The following TTC29 variants were observed in gnomAD, a reference collection of about 807,000 sequenced individuals.
The protein encoded by TTC29 is tetratricopeptide repeat domain 29.
In TTC29, 49 loss-of-function variants were observed where a neutral mutation model predicts 58.1. The observed-to-expected ratio is 0.84, with a 90% confidence interval of 0.67 to 1.07. The LOEUF (loss-of-function observed/expected upper bound fraction) is 1.07. Among genes scored for constraint, TTC29 ranks in the 50% least tolerant of loss-of-function variants. The pLI is 0.00. For synonymous variants in TTC29, 209 were observed against 196.8 expected (o/e 1.06, Z -0.52); for missense variants, 582 against 555.6 (o/e 1.05, Z -0.48).
intron 9 of TTC29, chr4:146,831,793 C>A (rs1193644512): frequency 4.7e-6 from 2 of 423,760 alleles, no homozygotes; most frequent in African/African-American, 2.0e-5. Context: ...AGACTCATGT[C>A]TCTGGAAGTT....
chr4:146,729,936 G>A (rs925025091), intron 11 of TTC29, among the ~76,000 whole-genome samples: 21 of 151,928 alleles, frequency 1.4e-4, no homozygotes, highest in Non-Finnish European at 5.9e-5. Flanking sequence ...TTAGAGATGA[G>A]ATTTGGGTGG....
intron 11 of TTC29, among the ~76,000 whole-genome samples, chr4:146,752,790 A>G (rs1480929212): frequency 6.6e-6 from 1 of 152,186 alleles, no homozygotes; most frequent in African/African-American, 2.4e-5. Context: ...TGACCAAAAC[A>G]AGCAATGGGA....
chr4:146,853,728 C>T (rs1729657463), intron 8 of TTC29, among the ~76,000 whole-genome samples: 1 of 152,132 alleles, frequency 6.6e-6, no homozygotes, highest in Non-Finnish European at 1.5e-5. Context: ...TAAAACAAAG[C>T]TATCATTTAC....
At chr4:146,915,340 A>G (rs981139382) in intron 4 of TTC29, among the ~76,000 whole-genome samples, 12 of 152,064 alleles carry the variant, frequency 7.9e-5, no homozygotes, top group African/African-American at 2.7e-4. Flanking sequence ...CAATCTTTCA[A>G]TTGGTAAGCC....
At chr4:146,886,735 G>A (rs531288340) in intron 6 of TTC29, among the ~76,000 whole-genome samples, 7 of 152,220 alleles carry the variant, frequency 4.6e-5, no homozygotes, top group African/African-American at 1.7e-4. Flanking sequence ...AACTCAGAAG[G>A]TTGACTTTGT....
intron 6 of TTC29, among the ~76,000 whole-genome samples, chr4:146,893,761 A>C (rs527259265): frequency 6.6e-6 from 1 of 152,326 alleles, no homozygotes; most frequent in Admixed American, 6.5e-5. Flanking sequence ...ACAGAATGGG[A>C]GGAAATTTTT....
At chr4:146,927,092 A>AAAAG (rs1734991591) in intron 4 of TTC29, among the ~76,000 whole-genome samples, 1 of 151,602 alleles carries the variant, frequency 6.6e-6, no homozygotes, top group Non-Finnish European at 1.5e-5. Flanking sequence ...AAAAAAAAAA[A>AAAAG]AAGAAAAAAA....
chr4:146,818,184 T>C (rs1457423685), intron 10 of TTC29, among the ~76,000 whole-genome samples: 3 of 152,158 alleles, frequency 2.0e-5, no homozygotes, highest in Admixed American at 2.0e-4. Flanking sequence ...AATCTACTCA[T>C]CTGACAAAGG....
intron 11 of TTC29, among the ~76,000 whole-genome samples, chr4:146,719,597 A>AGTT (rs1424639508): frequency 6.6e-6 from 1 of 152,180 alleles, no homozygotes; most frequent in Admixed American, 6.5e-5. Flanking sequence ...AGTTCTTAAT[A>AGTT]GTTGTTTGTC....
chr4:146,722,730 A>T (rs1743462189), intron 11 of TTC29, among the ~76,000 whole-genome samples: 2 of 151,190 alleles, frequency 1.3e-5, no homozygotes, highest in Non-Finnish European at 2.9e-5. Context: ...ACAGGGTCTC[A>T]CTCTGTTTCC....
At chr4:146,844,319 A>G (rs894873139) in intron 8 of TTC29, among the ~76,000 whole-genome samples, 1 of 152,196 alleles carries the variant, frequency 6.6e-6, no homozygotes, top group African/African-American at 2.4e-5. Context: ...AGTAAATTGG[A>G]ACATACAGCT....
intron 11 of TTC29, among the ~76,000 whole-genome samples, chr4:146,738,506 AT>A (rs144612471): frequency 1.7e-4 from 26 of 148,790 alleles, no homozygotes; most frequent in South Asian, 2.1e-4. Context: ...AAGATTGCAT[AT>A]TTTTTTTTTG....
At chr4:146,736,244 C>T (rs745510486) in intron 11 of TTC29, among the ~76,000 whole-genome samples, 1 of 150,408 alleles carries the variant, frequency 6.6e-6, no homozygotes, top group Non-Finnish European at 1.5e-5. Flanking sequence ...GCCTTTTGCA[C>T]AGGAGTGGGT....
At position 146,854,611 on chromosome 4, in the gene TTC29, C is replaced by A. The variant is rs145581039; in HGVS notation, c.885+12887G>T. Among the ~76,000 whole-genome samples the A allele has an allele frequency of 3.4e-4, 52 of 152,078 alleles. No individual in the cohort carries two copies. The East Asian group carries it at 0.01, about 30-fold the overall frequency. Reference sequence around the variant, plus strand: ...CTCCATAAGCCCTCTCTAATGTATCCCTAAAGAGTTTTTCTGGGACAGATA... The same window carrying A: ...CTCCATAAGCCCTCTCTAATGTATCACTAAAGAGTTTTTCTGGGACAGATA... On this transcript the variant is annotated intron_variant, in intron 8 of 12. Transcript: ENST00000325106.
intron 11 of TTC29, among the ~76,000 whole-genome samples, chr4:146,739,669 A>G (rs1237367147): frequency 6.6e-6 from 1 of 152,212 alleles, no homozygotes; most frequent in Middle Eastern, 3.2e-3. Context: ...ATTGGTTCTA[A>G]CATTTCATTA....
chr4:146,814,465 T>C (rs1319768973), intron 10 of TTC29, among the ~76,000 whole-genome samples: 1 of 151,746 alleles, frequency 6.6e-6, no homozygotes, highest in Non-Finnish European at 1.5e-5. Flanking sequence ...CGGTGGCTCA[T>C]ACGTATAATC....
chr4:146,938,173 C>A (rs759818681), intron 3 of TTC29, among the ~76,000 whole-genome samples: 2 of 152,020 alleles, frequency 1.3e-5, no homozygotes, highest in Non-Finnish European at 2.9e-5. Context: ...GTTCAAGGTG[C>A]AAAATGATTT....
chr4:146,853,541 C>CA (rs1471815483), intron 8 of TTC29, among the ~76,000 whole-genome samples: 1 of 151,952 alleles, frequency 6.6e-6, no homozygotes, highest in Middle Eastern at 3.2e-3. Flanking sequence ...AATTTTTCAC[C>CA]ATTCCAAACA....
At chr4:146,793,202 C>T (rs1370827080) in intron 11 of TTC29, among the ~76,000 whole-genome samples, 1 of 152,128 alleles carries the variant, frequency 6.6e-6, no homozygotes, top group South Asian at 2.1e-4. Flanking sequence ...AAGAGAAGTT[C>T]TACAGTGGGT....
Sources: gnomAD v4.1 joint callset for allele counts (sites outside exome capture counted in the v4.1 genomes callset) on GRCh38, gnomAD v4.1.1 for gene constraint, MANE v1.5 for transcripts, NCBI Gene and HGNC (gene_info 2026-07-23, HGNC 2026-07-21) for gene names.